The following CCDC148 variants were observed in gnomAD, a reference collection of about 807,000 sequenced individuals.
CCDC148 encodes the protein coiled-coil domain containing 148.
Under a neutral mutation model 85.7 loss-of-function variants are expected in CCDC148, and 89 were observed. That is an observed-to-expected ratio of 1.04 (90% CI 0.87 to 1.24). CCDC148 has a LOEUF of 1.24. Ranked by LOEUF, CCDC148 falls within the 50% of genes most tolerant of loss-of-function variation. CCDC148 has a pLI of 0.00. For missense variants in CCDC148, 692 were observed against 671.7 expected, an observed-to-expected ratio of 1.03 and a Z score of -0.33; for synonymous variants, 230 against 213.9, an observed-to-expected ratio of 1.08 and a Z score of -0.66.
At chr2:158,422,521 C>T (rs961839857) in intron 1 of CCDC148, among the ~76,000 whole-genome samples, 12 of 152,004 alleles carry the variant, frequency 7.9e-5, no homozygotes, top group African/African-American at 1.9e-4. Flanking sequence ...AGGCCTTTGA[C>T]GAAATTCAAC....
chr2:158,321,520 C>T (rs1204383666), intron 7 of CCDC148, among the ~76,000 whole-genome samples: 1 of 152,170 alleles, frequency 6.6e-6, no homozygotes, highest in Non-Finnish European at 1.5e-5. Flanking sequence ...CTGAAACTTT[C>T]CAACAGCTCT....
At chr2:158,228,095 T>C (rs963864042) in intron 10 of CCDC148, among the ~76,000 whole-genome samples, 5 of 152,050 alleles carry the variant, frequency 3.3e-5, no homozygotes, top group African/African-American at 1.2e-4. Context: ...TACAATGAAC[T>C]CCAACAAATT....
chr2:158,249,041 C>T (rs1005064141), intron 10 of CCDC148, among the ~76,000 whole-genome samples: 3 of 152,020 alleles, frequency 2.0e-5, no homozygotes, highest in Admixed American at 2.0e-4. Flanking sequence ...TAGTGATGTC[C>T]CTCCATCCTC....
chr2:158,291,887 A>T (rs1690910803), intron 9 of CCDC148, among the ~76,000 whole-genome samples: 1 of 152,256 alleles, frequency 6.6e-6, no homozygotes, highest in Admixed American at 6.5e-5. Flanking sequence ...GTATATTACT[A>T]ACAAGCAACT....
chr2:158,446,259 G>T (rs1475167579), intron 1 of CCDC148, among the ~76,000 whole-genome samples: 1 of 152,022 alleles, frequency 6.6e-6, no homozygotes, highest in Non-Finnish European at 1.5e-5. Context: ...GGAGGCTGAG[G>T]CAGGATTGCT....
At chr2:158,424,660 T>C (rs1686987296) in intron 1 of CCDC148, 1 of 188,284 alleles carries the variant, frequency 5.3e-6, no homozygotes, top group African/African-American at 2.4e-5. Context: ...GGCACATGTA[T>C]ACCTATGTAA....
intron 1 of CCDC148, among the ~76,000 whole-genome samples, chr2:158,446,571 G>A (rs1688165438): frequency 6.6e-6 from 1 of 152,008 alleles, no homozygotes; most frequent in Non-Finnish European, 1.5e-5. Flanking sequence ...ATATAAGGGA[G>A]TTTTAAGATG....
At chr2:158,199,226 C>A (rs1212422014) in intron 11 of CCDC148, among the ~76,000 whole-genome samples, 2 of 151,884 alleles carry the variant, frequency 1.3e-5, no homozygotes. Context: ...TTTGATATTG[C>A]TTTTTTAAAT....
chr2:158,437,350 C>G (rs1282529175), intron 1 of CCDC148, among the ~76,000 whole-genome samples: 1 of 152,150 alleles, frequency 6.6e-6, no homozygotes, highest in Non-Finnish European at 1.5e-5. Context: ...TGTAATACCT[C>G]ACATAAACAG....
rs58417656 is a variant in CCDC148 at position 158,264,263 on chromosome 2, T to C, written c.1111-13351A>G. The stretch of plus-strand genomic sequence containing the variant: ...CGTCATCAGCTCATTCCTTTCTAGA[T>C]ATAGCACAGAATCAACAACTGATAA... On this transcript the variant is annotated intron_variant, in intron 9 of 13. Transcript: ENST00000283233. Among the ~76,000 whole-genome samples, 1,126 of 152,194 alleles carry C rather than the reference T, an allele frequency of 7.4e-3. 18 individuals are homozygous for C. Among genetic ancestry groups the C allele is most frequent in the African/African-American group, 0.026 (1,075 of 41,566 alleles).
chr2:158,451,483 T>C (rs1298224552), intron 1 of CCDC148, among the ~76,000 whole-genome samples: 2 of 152,216 alleles, frequency 1.3e-5, no homozygotes, highest in African/African-American at 4.8e-5. Context: ...CTGATGTCTC[T>C]AATAAATTAT....
At chr2:158,294,652 C>T (rs1055132349) in intron 9 of CCDC148, among the ~76,000 whole-genome samples, 2 of 151,812 alleles carry the variant, frequency 1.3e-5, no homozygotes, top group African/African-American at 2.4e-5. Flanking sequence ...GGTGAAACCC[C>T]GTCTCTACTG....
intron 9 of CCDC148, among the ~76,000 whole-genome samples, chr2:158,263,525 A>G (rs1298163714): frequency 1.3e-5 from 2 of 152,096 alleles, no homozygotes; most frequent in Non-Finnish European, 2.9e-5. Context: ...CACATGCTAA[A>G]TTCAAAGGAG....
chr2:158,371,549 G>A (rs995370854), intron 1 of CCDC148, among the ~76,000 whole-genome samples: 2 of 151,872 alleles, frequency 1.3e-5, no homozygotes, highest in Non-Finnish European at 2.9e-5. Flanking sequence ...CTATGCATTT[G>A]TAAGTACTTA....
chr2:158,229,408 A>T (rs1196978524), intron 10 of CCDC148, among the ~76,000 whole-genome samples: 2 of 152,192 alleles, frequency 1.3e-5, no homozygotes, highest in Non-Finnish European at 2.9e-5. Context: ...GCATGTACTT[A>T]ATAACCATTT....
intron 1 of CCDC148, among the ~76,000 whole-genome samples, chr2:158,405,406 G>A (rs991242776): frequency 6.6e-6 from 1 of 152,098 alleles, no homozygotes; most frequent in Non-Finnish European, 1.5e-5. Context: ...AGCTTCATTA[G>A]TGGCAATATG....
intron 2 of CCDC148, among the ~76,000 whole-genome samples, chr2:158,353,169 T>A (rs1414889477): frequency 1.5e-5 from 2 of 134,010 alleles, no homozygotes; most frequent in Admixed American, 7.5e-5. Context: ...CTGCATCAAC[T>A]AACGAGCAAA....
At chr2:158,258,925 T>C (rs1689111496) in intron 9 of CCDC148, among the ~76,000 whole-genome samples, 1 of 151,742 alleles carries the variant, frequency 6.6e-6, no homozygotes, top group Admixed American at 6.6e-5. Context: ...CTCCCAGGTA[T>C]AGACTACACG....
chr2:158,280,746 G>A (rs1454721261), intron 9 of CCDC148, among the ~76,000 whole-genome samples: 2 of 152,082 alleles, frequency 1.3e-5, no homozygotes, highest in Non-Finnish European at 2.9e-5. Context: ...AGGATACCCA[G>A]GAATTGAACT....
Sources: gnomAD v4.1 joint callset for allele counts (sites outside exome capture counted in the v4.1 genomes callset) on GRCh38, gnomAD v4.1.1 for gene constraint, MANE v1.5 for transcripts, NCBI Gene and HGNC (gene_info 2026-07-23, HGNC 2026-07-21) for gene names.